Variants in UBQLN1 observed in about 807,000 individuals in gnomAD.
UBQLN1 encodes ubiquilin 1.
In UBQLN1, 13 loss-of-function variants were observed where a neutral mutation model predicts 65.4. The ratio of observed to expected loss-of-function variants is 0.20; its 90% CI spans 0.13 to 0.32. The LOEUF (loss-of-function observed/expected upper bound fraction) is 0.32. Among genes scored for constraint, UBQLN1 ranks in the 10% least tolerant of loss-of-function variants. UBQLN1 has a pLI of 1.00. For missense variants in UBQLN1, 561 were observed against 724.0 expected, an observed-to-expected ratio of 0.77 and a Z score of 2.58; for synonymous variants, 267 against 247.8, an observed-to-expected ratio of 1.08 and a Z score of -0.73.
At chr9:83,671,974 T>G (rs1218931327) in intron 6 of UBQLN1, among the ~76,000 whole-genome samples, 4 of 152,268 alleles carry the variant, frequency 2.6e-5, no homozygotes, top group Non-Finnish European at 4.4e-5. Context: ...GATAACTTGC[T>G]GCAGCTTCTA....
chr9:83,685,753 A>C (rs552914590), intron 2 of UBQLN1, among the ~76,000 whole-genome samples: 47 of 152,354 alleles, frequency 3.1e-4, no homozygotes, highest in African/African-American at 1.1e-3. Context: ...TGCCTGTTCT[A>C]ATGCAAATAA....
chr9:83,688,031 A>C (rs1029578005), intron 1 of UBQLN1, among the ~76,000 whole-genome samples: 1 of 152,228 alleles, frequency 6.6e-6, no homozygotes, highest in African/African-American at 2.4e-5. Context: ...TATATCTAGA[A>C]ACAGGTCATA....
intron 1 of UBQLN1, among the ~76,000 whole-genome samples, chr9:83,692,445 G>C (rs1453074440): frequency 1.3e-5 from 2 of 152,178 alleles, no homozygotes; most frequent in Non-Finnish European, 2.9e-5. Context: ...AAACTAAATA[G>C]TATTGATATG....
intron 2 of UBQLN1, among the ~76,000 whole-genome samples, chr9:83,684,002 CAGAG>C (rs1234623995): frequency 1.3e-5 from 2 of 151,908 alleles, no homozygotes; most frequent in Admixed American, 6.6e-5. Flanking sequence ...GCCTGGGTGA[CAGAG>C]AGAGACTCTT....
rs543880858 is a variant in UBQLN1 at position 83,687,269 on chromosome 9, T to A, written c.181-1114A>T. On this transcript the variant is annotated intron_variant, in intron 1 of 10. Transcript: ENST00000376395. Reference sequence around the variant, plus strand: ...AAAGGCTTTCCAGGGACCAGACACATAAAACCAGACAAGAGAAAAGAGCAT... The same window carrying A: ...AAAGGCTTTCCAGGGACCAGACACAAAAAACCAGACAAGAGAAAAGAGCAT... Among the ~76,000 whole-genome samples, 19 of 152,248 alleles carry A rather than the reference T, an allele frequency of 1.2e-4. No homozygotes were observed. The South Asian group carries it at 3.9e-3, about 32-fold the overall frequency.
At chr9:83,695,720 C>T (rs142359394) in intron 1 of UBQLN1, among the ~76,000 whole-genome samples, 6 of 152,232 alleles carry the variant, frequency 3.9e-5, no homozygotes, top group African/African-American at 1.4e-4. Flanking sequence ...ATCAAACTAA[C>T]TCATAGTTGT....
intron 9 of UBQLN1, 70 bp downstream of exon 9, chr9:83,664,960 A>C (rs915842505): frequency 2.0e-5 from 22 of 1,089,742 alleles, no homozygotes; most frequent in Middle Eastern, 2.1e-4. Context: ...AGGCAGAATA[A>C]TACTAAATCT....
intron 1 of UBQLN1, among the ~76,000 whole-genome samples, chr9:83,697,247 T>TG (rs1564172245): frequency 1.9e-5 from 1 of 51,578 alleles, no homozygotes; most frequent in East Asian, 2.1e-4. Flanking sequence ...ATCTTCTGGT[T>TG]TTTTTTTTTT....
intron 1 of UBQLN1, among the ~76,000 whole-genome samples, chr9:83,704,668 T>C (rs1246122784): frequency 6.6e-6 from 1 of 151,628 alleles, no homozygotes; most frequent in Non-Finnish European, 1.5e-5. Flanking sequence ...CTACTACAAA[T>C]AGGAAAATTA....
At chr9:83,670,010 G>C (rs1831705399) in intron 6 of UBQLN1, among the ~76,000 whole-genome samples, 1 of 152,130 alleles carries the variant, frequency 6.6e-6, no homozygotes, top group African/African-American at 2.4e-5. Context: ...GTGGTTGTAA[G>C]AAAATTAATG....
In UBQLN1 at chr9:83,677,748, T is replaced by C. The variant is rs761808572; in HGVS notation, c.1084A>G (p.Asn362Asp). Residue 362 changes from asparagine (N) to aspartate (D), a missense_variant, in exon 6 of 11, where the codon AAT (asparagine) becomes GAT (aspartate). Coordinates refer to ENST00000376395, the MANE Select transcript of UBQLN1 (RefSeq NM_013438.5). ...GTSGQSTTAP[N>D]LVPGVGASMF... ...ATACCTCCTACTCCAGGCACCAAAT[T>C]TGGCGCAGTAGTACTCTGCCCAGAA... The C allele has an allele frequency of 6.2e-7, 1 of 1,612,324 alleles. No individual in the cohort carries two copies. The highest frequency in any genetic ancestry group is 8.5e-7 in the Non-Finnish European group (1 of 1,178,826).
At chr9:83,706,135 GT>G (rs1832402119) in intron 1 of UBQLN1, among the ~76,000 whole-genome samples, 1 of 151,720 alleles carries the variant, frequency 6.6e-6, no homozygotes, top group African/African-American at 2.4e-5. Flanking sequence ...TCAAAAAAAC[GT>G]AAAAAATGAA....
At chr9:83,702,706 C>G (rs925549089) in intron 1 of UBQLN1, among the ~76,000 whole-genome samples, 1 of 152,092 alleles carries the variant, frequency 6.6e-6, no homozygotes, top group Non-Finnish European at 1.5e-5. Context: ...ACACATCTCA[C>G]TTTTTAAGTA....
chr9:83,686,172 T>C lies in UBQLN1; in HGVS notation c.181-17A>G. The C allele has an allele frequency of 6.7e-7, 1 of 1,489,604 alleles. No homozygotes were observed. The highest frequency in any genetic ancestry group is 9.1e-7 in the Non-Finnish European group (1 of 1,104,062). The allele number at this position is 1,489,604 out of a possible 1,614,324, so 92.3% of individuals were successfully genotyped here. A position where few individuals can be genotyped will look rare whatever the true frequency, so the allele number is the denominator to read the frequency against. On this transcript the variant is annotated splice_polypyrimidine_tract_variant and intron_variant, in intron 1 of 10. Transcript: ENST00000376395. ...TTCCTTAAACTAAATAAAAATAAAATAAGTATGTATTACAGTTGTTTGCAC... is the reference window on the plus strand; with the variant it reads ...TTCCTTAAACTAAATAAAAATAAAACAAGTATGTATTACAGTTGTTTGCAC...
intron 6 of UBQLN1, among the ~76,000 whole-genome samples, chr9:83,675,823 G>A (rs2131155317): frequency 6.6e-6 from 1 of 152,202 alleles, no homozygotes. Context: ...TTGCAATTCT[G>A]GTAAACAGAA....
intron 1 of UBQLN1, 115 bp from the exon 2 acceptor site, chr9:83,686,270 T>C (rs967632978): frequency 3.4e-5 from 23 of 673,458 alleles, no homozygotes; most frequent in Non-Finnish European, 4.8e-5. Flanking sequence ...TCAAACACCA[T>C]AATCCCAATG....
intron 10 of UBQLN1, among the ~76,000 whole-genome samples, chr9:83,663,095 G>C (rs1831587740): frequency 6.8e-6 from 1 of 147,282 alleles, no homozygotes; most frequent in South Asian, 2.2e-4. Context: ...GAAAGGCAAA[G>C]AGGGGAAAGA....
At chr9:83,666,326 T>C in intron 8 of UBQLN1, 24 bp downstream of exon 8, 10 of 1,610,418 alleles carry the variant, frequency 6.2e-6, no homozygotes, top group Non-Finnish European at 6.8e-6. Context: ...TTACCCAAGA[T>C]AGCTAACATC....
rs77359731 is a variant in UBQLN1 at position 83,699,234 on chromosome 9, G to A, written c.180+8266C>T. On this transcript the variant is annotated intron_variant, in intron 1 of 10. Coordinates refer to ENST00000376395, the MANE Select transcript of UBQLN1 (RefSeq NM_013438.5). ...TCACTGAAGTGAACCCTTAAAAATGGTTAACATGATAAATTTTGTTATGTG... is the reference window on the plus strand; with the variant it reads ...TCACTGAAGTGAACCCTTAAAAATGATTAACATGATAAATTTTGTTATGTG... Among the ~76,000 whole-genome samples, 1,266 of 152,260 alleles carry A rather than the reference G, an allele frequency of 8.3e-3. 36 individuals carry two copies. The highest frequency in any genetic ancestry group is 0.046 in the East Asian group (237 of 5,184).
Sources: allele counts gnomAD v4.1 joint callset (sites outside exome capture counted in the v4.1 genomes callset), GRCh38; gene constraint gnomAD v4.1.1; transcripts MANE v1.5; gene names NCBI Gene and HGNC (gene_info 2026-07-23, HGNC 2026-07-21).